Variants in DOCK2 observed in about 807,000 individuals in gnomAD.
DOCK2 encodes dedicator of cytokinesis protein 2.
In DOCK2, 87 loss-of-function variants were observed where a neutral mutation model predicts 248.9. The observed-to-expected ratio is 0.35, with a 90% CI of 0.29 to 0.42. DOCK2 has a LOEUF of 0.42. Among genes scored for constraint, DOCK2 ranks in the 10% least tolerant of loss-of-function variants. The pLI is 1.00. For synonymous variants in DOCK2, 805 were observed against 821.6 expected (o/e 0.98, Z 0.35); for missense variants, 1,747 against 2,300.2 (o/e 0.76, Z 4.92).
intron 23 of DOCK2, among the ~76,000 whole-genome samples, chr5:169,753,130 G>A (rs1763993895): frequency 6.6e-6 from 1 of 152,190 alleles, no homozygotes; most frequent in Non-Finnish European, 1.5e-5. Context: ...AGTGTCAAGT[G>A]TTGAGCTAAA....
intron 44 of DOCK2, among the ~76,000 whole-genome samples, chr5:170,066,152 A>G (rs926163174): frequency 2.6e-5 from 4 of 152,014 alleles, no homozygotes; most frequent in African/African-American, 4.8e-5. Flanking sequence ...GGGTTTCACC[A>G]TGTTAGTCAG....
chr5:169,712,310 G>A, intron 17 of DOCK2, 87 bp downstream of exon 17: 2 of 1,191,634 alleles, frequency 1.7e-6, no homozygotes, highest in Non-Finnish European at 2.5e-6. Context: ...TCAACAGCAG[G>A]GACCCCAGAA....
chr5:170,067,580 T>C lies in DOCK2; in HGVS notation c.4538T>C (p.Ile1513Thr). 1 of 1,614,190 alleles carries C rather than the reference T, an allele frequency of 6.2e-7. No homozygotes were observed. The highest frequency in any genetic ancestry group is 8.5e-7 in the Non-Finnish European group (1 of 1,180,002). ...STANEKILMM[I>T]NQYQSDETLP... ...GCCAATGAGAAGATCCTGATGATGA[T>C]AAACCAGTACCAGAGTGATGAGACC... The change falls in exon 45 of 52, where the codon ATA becomes ACA. Residue 1513 changes from isoleucine to threonine, a missense_variant. Ile to Thr is a moderately conservative substitution (Grantham distance 89). Transcript: ENST00000520908.
At chr5:170,056,905 C>T (rs926589085) in intron 43 of DOCK2, 137 bp downstream of exon 43, 106 of 718,030 alleles carry the variant, frequency 1.5e-4, no homozygotes, top group Non-Finnish European at 1.6e-4. Context: ...GATACCATGA[C>T]GTCCGTTCCC....
intron 23 of DOCK2, among the ~76,000 whole-genome samples, chr5:169,749,117 T>C (rs1404196076): frequency 6.6e-6 from 1 of 152,264 alleles, no homozygotes; most frequent in Non-Finnish European, 1.5e-5. Context: ...ATGGTACTGC[T>C]TTCCATATTT....
At chr5:169,703,470 G>T (rs1761091309) in intron 14 of DOCK2, among the ~76,000 whole-genome samples, 1 of 152,180 alleles carries the variant, frequency 6.6e-6, no homozygotes, top group African/African-American at 2.4e-5. Flanking sequence ...TGTCAGAGAT[G>T]GGGTTTGACT....
intron 25 of DOCK2, among the ~76,000 whole-genome samples, chr5:169,765,285 G>C (rs547642160): frequency 6.6e-6 from 1 of 152,194 alleles, no homozygotes; most frequent in Non-Finnish European, 1.5e-5. Context: ...CATGTGGCTA[G>C]TTAGCCTAGG....
chr5:169,721,863 G>A (rs924419076), intron 22 of DOCK2, among the ~76,000 whole-genome samples: 11 of 152,236 alleles, frequency 7.2e-5, no homozygotes, highest in Admixed American at 2.0e-4. Context: ...AAAGAAAGAA[G>A]AGAGTGAGTT....
rs370713850 is a variant in DOCK2 at position 169,844,904 on chromosome 5, C to A, written c.2799+4052C>A. On this transcript the variant is annotated intron_variant, in intron 27 of 51. Transcript: ENST00000520908. The stretch of plus-strand genomic sequence containing the variant: ...GTATAATACAGGATAAGCATTTGTA[C>A]ATGTGCTTCTTATGCACTGTATTCA... Among the ~76,000 whole-genome samples, 8 of 152,216 alleles carry A rather than the reference C, an allele frequency of 5.3e-5. No homozygotes were observed. In the East Asian group the frequency reaches 1.2e-3, roughly 22 times the overall value.
chr5:169,775,117 C>T (rs1351223254), intron 25 of DOCK2, among the ~76,000 whole-genome samples: 1 of 152,174 alleles, frequency 6.6e-6, no homozygotes, highest in Non-Finnish European at 1.5e-5. Context: ...ACCCTGTTGA[C>T]CAAGCTGGTC....
chr5:169,947,018 G>T (rs921477791), intron 27 of DOCK2, among the ~76,000 whole-genome samples: 4 of 152,204 alleles, frequency 2.6e-5, no homozygotes, highest in Admixed American at 6.5e-5. Flanking sequence ...GTATACCCAT[G>T]CTGGAGTGAG....
chr5:169,904,990 A>T (rs1031699852), intron 27 of DOCK2, among the ~76,000 whole-genome samples: 1 of 151,868 alleles, frequency 6.6e-6, no homozygotes, highest in Admixed American at 6.6e-5. Context: ...AAGCAACTGA[A>T]CCTCCCTGAG....
chr5:169,825,999 A>G (rs1678475514), intron 26 of DOCK2, among the ~76,000 whole-genome samples: 1 of 152,096 alleles, frequency 6.6e-6, no homozygotes, highest in South Asian at 2.1e-4. Context: ...ATGACGTAGC[A>G]CATCTATTGT....
chr5:170,037,579 C>G (rs577085464), intron 36 of DOCK2, among the ~76,000 whole-genome samples: 1 of 151,514 alleles, frequency 6.6e-6, no homozygotes, highest in Non-Finnish European at 1.5e-5. Context: ...CTCTGCCTCC[C>G]GGGTTCAAGT....
chr5:169,808,459 C>T (rs1459746110), intron 26 of DOCK2, among the ~76,000 whole-genome samples: 1 of 151,962 alleles, frequency 6.6e-6, no homozygotes, highest in Non-Finnish European at 1.5e-5. Context: ...CTTAGCCTGG[C>T]TGTTGATTTT....
At chr5:170,003,696 A>G (rs1196683217) in intron 30 of DOCK2, among the ~76,000 whole-genome samples, 1 of 152,214 alleles carries the variant, frequency 6.6e-6, no homozygotes, top group African/African-American at 2.4e-5. Context: ...GTTGAAGGAG[A>G]CAGCACTGGG....
intron 27 of DOCK2, among the ~76,000 whole-genome samples, chr5:169,880,544 A>G (rs910493033): frequency 6.6e-6 from 1 of 152,248 alleles, no homozygotes; most frequent in Admixed American, 6.5e-5. Flanking sequence ...CCACTTTTCT[A>G]CTATGCCATG....
chr5:169,959,174 T>C (rs1306702923), intron 27 of DOCK2, among the ~76,000 whole-genome samples: 1 of 151,978 alleles, frequency 6.6e-6, no homozygotes, highest in Non-Finnish European at 1.5e-5. Context: ...GGGCGGATCA[T>C]GAGGTCAGGA....
intron 28 of DOCK2, among the ~76,000 whole-genome samples, chr5:169,985,005 G>A (rs974245277): frequency 5.9e-5 from 9 of 152,046 alleles, no homozygotes; most frequent in South Asian, 2.1e-4. Flanking sequence ...TGCAACCTCC[G>A]CCTCCTGGGT....
Sources: gnomAD v4.1 joint callset for allele counts (sites outside exome capture counted in the v4.1 genomes callset) on GRCh38, gnomAD v4.1.1 for gene constraint, MANE v1.5 for transcripts, NCBI Gene and HGNC (gene_info 2026-07-23, HGNC 2026-07-21) for gene names.